SOS1: variants seen among roughly 807,000 people sequenced by gnomAD.
The protein encoded by SOS1 is SOS Ras/Rac guanine nucleotide exchange factor 1.
Under a neutral mutation model 157.6 loss-of-function variants are expected in SOS1, and 25 were observed. That is an observed-to-expected ratio of 0.16 (90% CI 0.12 to 0.22). SOS1 has a LOEUF of 0.22. Among genes scored for constraint, SOS1 ranks in the 10% least tolerant of loss-of-function variants. SOS1 has a pLI of 1.00. For synonymous variants in SOS1, 528 were observed against 534.0 expected (o/e 0.99, Z 0.16); for missense variants, 1,237 against 1,599.1 (o/e 0.77, Z 3.86).
intron 1 of SOS1, among the ~76,000 whole-genome samples, chr2:39,114,746 A>G (rs113032750): frequency 6.3e-4 from 96 of 152,040 alleles, no homozygotes; most frequent in African/African-American, 2.1e-3. Flanking sequence ...ACAGGCGTGC[A>G]CCACCACGTC....
chr2:39,121,129 GAA>G (rs1673877556), upstream of SOS1: 1 of 153,818 alleles, frequency 6.5e-6, no homozygotes, highest in African/African-American at 2.4e-5. Flanking sequence ...GCTCGAGAGA[GAA>G]AGAGAGAGAG....
At chr2:39,106,808 C>T (rs910363087) in intron 1 of SOS1, among the ~76,000 whole-genome samples, 2 of 152,158 alleles carry the variant, frequency 1.3e-5, no homozygotes, top group African/African-American at 2.4e-5. Context: ...GAGTCATCTT[C>T]GTGGCCACAT....
intron 1 of SOS1, among the ~76,000 whole-genome samples, chr2:39,096,843 GCCACTGCACTACAGCCTGGGCA>G (rs1156474362): frequency 6.6e-6 from 1 of 150,940 alleles, no homozygotes; most frequent in Non-Finnish European, 1.5e-5. Flanking sequence ...CCGAGATCGC[GCCACTGCACTACAGCCTGGGCA>G]ACAGAGCGAG....
In SOS1 at chr2:39,007,070, C is replaced by G; in HGVS notation, c.2634G>C (p.Met878Ile). Residue 878 changes from methionine to isoleucine, a missense_variant, in exon 16 of 23, where the codon ATG (methionine) becomes ATC (isoleucine). Coordinates refer to ENST00000402219, the MANE Select transcript of SOS1 (RefSeq NM_005633.4). ...CTAGTCTGTAAACAGGTGATGAATTCATAGCACTGACAACCTCAAGGACAC... is the reference window on the plus strand; with the variant it reads ...CTAGTCTGTAAACAGGTGATGAATTGATAGCACTGACAACCTCAAGGACAC... ...FNGVLEVVSA[M>I]NSSPVYRLDH... is the part of the protein sequence containing the mutation. 6.2e-7 allele frequency: 1 copy of G among 1,611,800 alleles called. No homozygotes were observed. The highest frequency in any genetic ancestry group is 8.5e-7 in the Non-Finnish European group (1 of 1,178,030).
intron 1 of SOS1, among the ~76,000 whole-genome samples, chr2:39,106,349 G>A (rs989305765): frequency 1.3e-5 from 2 of 152,036 alleles, no homozygotes; most frequent in African/African-American, 4.8e-5. Flanking sequence ...CCAGCACTTT[G>A]GGAGGCCGAG....
intron 1 of SOS1, among the ~76,000 whole-genome samples, chr2:39,112,086 G>T (rs1475756627): frequency 6.6e-6 from 1 of 151,996 alleles, no homozygotes; most frequent in Non-Finnish European, 1.5e-5. Flanking sequence ...AACTCACCAA[G>T]ATTTTGAATC....
chr2:39,094,037 A>G (rs550093157), intron 1 of SOS1, among the ~76,000 whole-genome samples: 20 of 152,330 alleles, frequency 1.3e-4, no homozygotes, highest in Non-Finnish European at 1.6e-4. Context: ...CTAAAACAGC[A>G]TATCACAAAC....
At chr2:39,072,226 GTC>G (rs1671817844) in intron 1 of SOS1, among the ~76,000 whole-genome samples, 1 of 152,028 alleles carries the variant, frequency 6.6e-6, no homozygotes, top group South Asian at 2.1e-4. Context: ...ATGTTCCCTT[GTC>G]TGTTTCCTTT....
intron 3 of SOS1, among the ~76,000 whole-genome samples, 180 bp downstream of exon 3, chr2:39,058,493 A>G (rs1182385385): frequency 6.6e-6 from 1 of 152,036 alleles, no homozygotes. Context: ...CATGTTGCCC[A>G]GTTTATATTT....
chr2:39,042,431 TCTCA>T (rs1172041787), intron 6 of SOS1, among the ~76,000 whole-genome samples: 1 of 152,142 alleles, frequency 6.6e-6, no homozygotes, highest in East Asian at 1.9e-4. Flanking sequence ...TGAGATGGAG[TCTCA>T]CTCTGTCACC....
At chr2:39,029,736 G>A (rs6756184) in intron 8 of SOS1, among the ~76,000 whole-genome samples, 142,028 of 152,324 alleles carry the variant, frequency 0.93, 66,329 homozygotes, top group African/African-American at 0.97. Flanking sequence ...CCTGTGGTAC[G>A]CTATCCTATG....
At position 38,987,603 on chromosome 2, in the gene SOS1, T is replaced by C; in HGVS notation, c.3392-12A>G. 1.5e-6 allele frequency: 2 copies of C among 1,295,578 alleles called. No homozygotes were observed. Among genetic ancestry groups the C allele is most frequent in the Non-Finnish European group, 2.2e-6 (2 of 892,712 alleles). The allele number at this position is 1,295,578 out of a possible 1,614,324, so 80.3% of individuals were successfully genotyped here. A position where few individuals can be genotyped will look rare whatever the true frequency, so the allele number is the denominator to read the frequency against. ...TACAGAAGCAGATCCTGTGGGATGT[T>C]AAATTTTTAAGAAAAAGTCCACAGG... On this transcript the variant is annotated splice_polypyrimidine_tract_variant and intron_variant, in intron 21 of 22. Transcript: ENST00000402219.
At chr2:39,035,154 G>C in intron 8 of SOS1, 58 bp downstream of exon 8, 1 of 1,115,928 alleles carries the variant, frequency 9.0e-7, no homozygotes, top group East Asian at 2.5e-5. Flanking sequence ...AAATGAAGTA[G>C]CAAAAAAAAA....
At chr2:39,080,317 C>T (rs1037449580) in intron 1 of SOS1, among the ~76,000 whole-genome samples, 16 of 151,950 alleles carry the variant, frequency 1.1e-4, no homozygotes, top group South Asian at 2.1e-4. Context: ...TGAAAAGAGG[C>T]GGAGTTTTGG....
chr2:39,047,154 CAT>C (rs1410747936), intron 6 of SOS1, among the ~76,000 whole-genome samples: 3 of 152,250 alleles, frequency 2.0e-5, no homozygotes, highest in South Asian at 2.1e-4. Flanking sequence ...TCCAAAGATA[CAT>C]GTTTCTGAAC....
At chr2:39,089,530 C>A (rs1296911644) in intron 1 of SOS1, among the ~76,000 whole-genome samples, 79 of 118,066 alleles carry the variant, frequency 6.7e-4, no homozygotes, top group Middle Eastern at 4.4e-3. Flanking sequence ...ACTCTGTCTC[C>A]AAAAAAAAAA....
At chr2:39,052,140 T>G (rs551920347) in intron 5 of SOS1, among the ~76,000 whole-genome samples, 1 of 152,348 alleles carries the variant, frequency 6.6e-6, no homozygotes, top group Non-Finnish European at 1.5e-5. Context: ...TTCTGGACTT[T>G]CCATATAAAT....
In SOS1 at chr2:39,115,406, C is replaced by CTT. The variant is rs550526461; in HGVS notation, c.87+4928_87+4929dup. 6.6e-3 allele frequency among the ~76,000 whole-genome samples: 424 copies of CTT among 64,036 alleles called. 4 individuals carry two copies. The highest frequency in any genetic ancestry group is 9.8e-3 in the Middle Eastern group (1 of 102). The allele number at this position is 64,036 out of a possible 152,430, so 42.0% of individuals were successfully genotyped here. A position where few individuals can be genotyped will look rare whatever the true frequency, so the allele number is the denominator to read the frequency against. On this transcript the variant is annotated intron_variant, in intron 1 of 22. Coordinates refer to ENST00000402219, the MANE Select transcript of SOS1 (RefSeq NM_005633.4). ...CATTTGTATCAAATTTGTTCTCTCT[C>CTT]TTTTTTTTTTTTTTTTTTTTTTTTT...
chr2:39,109,337 C>G (rs965659248), intron 1 of SOS1, among the ~76,000 whole-genome samples: 2 of 152,222 alleles, frequency 1.3e-5, no homozygotes, highest in African/African-American at 2.4e-5. Flanking sequence ...CCTTTATGGT[C>G]TGTGCTATCT....
Sources: allele counts gnomAD v4.1 joint callset (sites outside exome capture counted in the v4.1 genomes callset), GRCh38; gene constraint gnomAD v4.1.1; transcripts MANE v1.5; gene names NCBI Gene and HGNC (gene_info 2026-07-23, HGNC 2026-07-21).